Variants in ZNF569 observed in about 807,000 individuals in gnomAD.
ZNF569 encodes the protein DNA-binding protein.
In ZNF569, 38 loss-of-function variants were observed where a neutral mutation model predicts 56.3. That is an observed-to-expected ratio of 0.68 (90% CI 0.52 to 0.88). ZNF569 has a LOEUF of 0.88. Among genes scored for constraint, ZNF569 ranks in the 40% least tolerant of loss-of-function variants. The pLI is 0.00. For synonymous variants in ZNF569, 241 were observed against 262.9 expected, an observed-to-expected ratio of 0.92 and a Z score of 0.81; for missense variants, 666 against 809.2, an observed-to-expected ratio of 0.82 and a Z score of 2.15.
At position 37,414,812 on chromosome 19, in the gene ZNF569, A is replaced by G. The variant is rs1409038319; in HGVS notation, c.239-393T>C. Among the ~76,000 whole-genome samples, 33 of 152,158 alleles carry G rather than the reference A, an allele frequency of 2.2e-4. 1 individual carries two copies. ...GGACTCTATTAAAATACATTTTTAT[A>G]ATCTAAACACTTTTCTGGATTGTAA... On this transcript the variant is annotated intron_variant, in intron 5 of 5. Coordinates refer to ENST00000316950, the MANE Select transcript of ZNF569 (RefSeq NM_152484.3).
Position 37,413,416 on chromosome 19 carries a change from T to G in ZNF569, c.1242A>C (p.Glu414Asp). ...TCTTGTGGCTGAAGGCTTTTCTGCA[T>G]TCCTTACATTCATAGGGTTTCTCAC... is the stretch of plus-strand genomic sequence containing the variant. The part of the protein sequence containing the change: ...HTGEKPYECK[E>D]CRKAFSHKKN... The change falls in exon 6 of 6, where the codon GAA becomes GAC. Residue 414 changes from glutamate (E) to aspartate (D), a missense_variant. By Grantham distance (45) the Glu-to-Asp change is conservative. Coordinates refer to ENST00000316950, the MANE Select transcript of ZNF569 (RefSeq NM_152484.3). 6.2e-7 allele frequency: 1 copy of G among 1,613,488 alleles called. No homozygotes were observed. Among genetic ancestry groups the G allele is most frequent in the Non-Finnish European group, 8.5e-7 (1 of 1,179,820 alleles).
chr19:37,468,053 C>A, upstream of ZNF569: 2 of 820,248 alleles, frequency 2.4e-6, no homozygotes, highest in Non-Finnish European at 3.8e-6. Context: ...AGGTACTTAA[C>A]TTCTCTATGC....
At chr19:37,452,594 G>A (rs572724957) in intron 2 of ZNF569, among the ~76,000 whole-genome samples, 2 of 152,024 alleles carry the variant, frequency 1.3e-5, no homozygotes, top group Non-Finnish European at 2.9e-5. Context: ...TGTTATTGTT[G>A]TTTGTTTTGT....
chr19:37,427,711 C>A, intron 3 of ZNF569: 2 of 462,022 alleles, frequency 4.3e-6, no homozygotes, highest in South Asian at 3.1e-5. Context: ...ATGATGCTTG[C>A]AATAAACATG....
At chr19:37,466,029 C>T (rs1278043354) in intron 1 of ZNF569, among the ~76,000 whole-genome samples, 1 of 152,086 alleles carries the variant, frequency 6.6e-6, no homozygotes, top group East Asian at 1.9e-4. Context: ...AGTGTTACTG[C>T]AATTTTGAAG....
chr19:37,438,545 C>T (rs1372988242), intron 3 of ZNF569, among the ~76,000 whole-genome samples: 1 of 152,064 alleles, frequency 6.6e-6, no homozygotes, highest in Non-Finnish European at 1.5e-5. Flanking sequence ...AACTGGATAT[C>T]CATATGCAGA....
intron 2 of ZNF569, among the ~76,000 whole-genome samples, chr19:37,446,987 C>T (rs951647824): frequency 2.0e-5 from 3 of 152,080 alleles, no homozygotes; most frequent in East Asian, 1.9e-4. Flanking sequence ...AAATGGCCAA[C>T]GAACGTATGA....
chr19:37,425,318 ATTTTTTTTTTT>A (rs770808954), intron 5 of ZNF569, among the ~76,000 whole-genome samples: 3 of 104,148 alleles, frequency 2.9e-5, no homozygotes, highest in African/African-American at 1.2e-4. Flanking sequence ...CACGTGGCTA[ATTTTTTTTTTT>A]TTTTTTTTTT....
chr19:37,440,653 C>T (rs191075821), intron 3 of ZNF569, among the ~76,000 whole-genome samples: 27 of 152,028 alleles, frequency 1.8e-4, no homozygotes, highest in Admixed American at 1.4e-3. Flanking sequence ...ATAAGAAACA[C>T]GGAAGGAAGT....
chr19:37,421,792 T>A (rs1188795108), intron 5 of ZNF569, among the ~76,000 whole-genome samples: 2 of 135,834 alleles, frequency 1.5e-5, no homozygotes, highest in Admixed American at 8.0e-5. Context: ...CTCTGTCACC[T>A]AGGCTGGGAT....
At chr19:37,423,446 T>C (rs1032628650) in intron 5 of ZNF569, among the ~76,000 whole-genome samples, 2 of 152,192 alleles carry the variant, frequency 1.3e-5, no homozygotes, top group African/African-American at 4.8e-5. Flanking sequence ...TATAAACAAT[T>C]ATTTAAATTC....
chr19:37,439,773 G>C (rs1291438011), intron 3 of ZNF569, among the ~76,000 whole-genome samples: 3 of 152,290 alleles, frequency 2.0e-5, no homozygotes, highest in African/African-American at 7.2e-5. Context: ...TGCAACTGGA[G>C]ATCATTACGT....
chr19:37,461,311 CTCT>C (rs2041753552), intron 2 of ZNF569, among the ~76,000 whole-genome samples: 1 of 143,242 alleles, frequency 7.0e-6, no homozygotes, highest in Non-Finnish European at 1.5e-5. Context: ...GAAAAATATC[CTCT>C]TTTTTTTTTT....
chr19:37,463,705 ACCATGCATGTTTATTGTT>A (rs943534622), intron 2 of ZNF569, among the ~76,000 whole-genome samples: 1 of 141,628 alleles, frequency 7.1e-6, no homozygotes, highest in African/African-American at 2.8e-5. Flanking sequence ...GGAGATGATA[ACCATGCATGTTTATTGTT>A]CCATGCATGT....
chr19:37,441,222 T>C (rs1438164520), intron 3 of ZNF569, among the ~76,000 whole-genome samples: 1 of 152,182 alleles, frequency 6.6e-6, no homozygotes, highest in Non-Finnish European at 1.5e-5. Flanking sequence ...CCCCACACTC[T>C]AAGGCATGAG....
chr19:37,412,515 C>T lies in ZNF569; in HGVS notation c.*82G>A, dbSNP rs2040854443. On this transcript the variant is annotated 3_prime_UTR_variant, in exon 6 of 6. Coordinates refer to ENST00000316950, the MANE Select transcript of ZNF569 (RefSeq NM_152484.3). ...GCTATCCCACATTCATAGTTTTCTA[C>T]TCTGGAAGTGATCATGTAATGTGCA... is the stretch of plus-strand genomic sequence containing the variant. 6.8e-7 allele frequency: 1 copy of T among 1,474,522 alleles called. No individual in the cohort carries two copies. The highest frequency in any genetic ancestry group is 9.0e-7 in the Non-Finnish European group (1 of 1,115,168). 91.3% of individuals were successfully genotyped at this position (1,474,522 alleles called of 1,614,324 possible).
chr19:37,468,074 T>TG, upstream of ZNF569: 1 of 714,090 alleles, frequency 1.4e-6, no homozygotes, highest in South Asian at 1.8e-5. Context: ...CTTTCGTGTT[T>TG]TTTTTTTTTT....
chr19:37,442,884 C>T (rs1345446558), intron 3 of ZNF569, among the ~76,000 whole-genome samples: 3 of 152,242 alleles, frequency 2.0e-5, no homozygotes, highest in Non-Finnish European at 4.4e-5. Context: ...AAAAGTTGAA[C>T]ACTCCTGGGG....
chr19:37,416,022 C>T (rs1005561364), intron 5 of ZNF569, among the ~76,000 whole-genome samples: 2 of 151,790 alleles, frequency 1.3e-5, no homozygotes, highest in Admixed American at 6.6e-5. Flanking sequence ...CTCTTGAGCT[C>T]AGGAGTTCAA....
Sources: allele counts gnomAD v4.1 joint callset (sites outside exome capture counted in the v4.1 genomes callset), GRCh38; gene constraint gnomAD v4.1.1; transcripts MANE v1.5; gene names NCBI Gene and HGNC (gene_info 2026-07-23, HGNC 2026-07-21).